The following EDRF1 variants were observed in gnomAD, a reference collection of about 807,000 sequenced individuals.
The protein encoded by EDRF1 is erythroid differentiation regulatory factor 1, also known as erythroid differentiation-related factor 1.
Under a neutral mutation model 148.7 loss-of-function variants are expected in EDRF1, and 69 were observed. The observed-to-expected ratio is 0.46, with a 90% CI of 0.38 to 0.57. The LOEUF (loss-of-function observed/expected upper bound fraction) is 0.57. EDRF1 is among the 20% of genes least tolerant of loss of function. The pLI, the probability that EDRF1 is intolerant of heterozygous loss-of-function variation, is 0.00. For missense variants in EDRF1, 1,118 were observed against 1,478.7 expected, an observed-to-expected ratio of 0.76 and a Z score of 4.00; for synonymous variants, 515 against 532.8, an observed-to-expected ratio of 0.97 and a Z score of 0.46.
chr10:125,738,983 A>T (rs899614472), intron 15 of EDRF1, among the ~76,000 whole-genome samples: 3 of 152,228 alleles, frequency 2.0e-5, no homozygotes, highest in African/African-American at 4.8e-5. Context: ...CTTTTAAATT[A>T]TCTAGTTCTT....
intron 16 of EDRF1, 37 bp downstream of exon 16, chr10:125,740,688 G>A (rs1332042040): frequency 1.3e-6 from 2 of 1,594,190 alleles, no homozygotes; most frequent in Non-Finnish European, 1.7e-6. Flanking sequence ...AATAGGCACT[G>A]GGAAGAGAGA....
chr10:125,753,363 C>T (rs1204387498), intron 23 of EDRF1, among the ~76,000 whole-genome samples: 1 of 152,172 alleles, frequency 6.6e-6, no homozygotes, highest in East Asian at 1.9e-4. Context: ...TCTGCTGTTG[C>T]TAAAAGCTTC....
rs1848207997 is a variant in EDRF1 at position 125,725,372 on chromosome 10, TGG to T, written c.566_567del (p.Trp189SerfsTer27). On this transcript the variant is annotated frameshift_variant, in exon 5 of 25. Transcript: ENST00000356792. LOFTEE classifies it high-confidence loss of function. ...EFYQRLIDQK[W>X]QRKKKSKEHW... ...TTATCAAAGACTCATTGATCAGAAG[TGG>T]CAGAGGAAGAAAAAGAGCAAAGAGC... 6.2e-7 allele frequency: 1 copy of T among 1,613,888 alleles called. No individual in the cohort carries two copies. The highest frequency in any genetic ancestry group is 1.3e-5 in the African/African-American group (1 of 74,910).
chr10:125,747,454 T>C, intron 19 of EDRF1, 82 bp from the exon 20 acceptor site: 2 of 1,422,684 alleles, frequency 1.4e-6, no homozygotes, highest in Non-Finnish European at 2.0e-6. Context: ...ATCTGGGTAG[T>C]TGTGAAGTGT....
At chr10:125,731,442 G>T (rs1237562581) in intron 9 of EDRF1, among the ~76,000 whole-genome samples, 2 of 152,152 alleles carry the variant, frequency 1.3e-5, no homozygotes, top group African/African-American at 4.8e-5. Context: ...TAAAAGTCTA[G>T]TGTAAATACA....
Position 125,739,269 on chromosome 10 carries a change from C to G in EDRF1, c.1981+824C>G, listed in dbSNP as rs144507475. On this transcript the variant is annotated intron_variant, in intron 15 of 24. Transcript: ENST00000356792. ...TTATTTCCCCAGCATTTATATAGTG[C>G]TGCTGGTATGCCAGGCTTCGGCCTA... Among the ~76,000 whole-genome samples, 1,063 of 152,308 alleles carry G rather than the reference C, an allele frequency of 7.0e-3. 3 individuals are homozygous for G. Among genetic ancestry groups the G allele is most frequent in the Admixed American group, 0.012 (179 of 15,298 alleles).
At chr10:125,733,777 G>A in intron 11 of EDRF1, 34 bp downstream of exon 11, 2 of 1,557,112 alleles carry the variant, frequency 1.3e-6, no homozygotes, top group Non-Finnish European at 1.8e-6. Flanking sequence ...TGAAGAAGTA[G>A]CCTATTATAT....
intron 9 of EDRF1, among the ~76,000 whole-genome samples, chr10:125,732,199 A>G (rs746558689): frequency 6.6e-6 from 1 of 152,112 alleles, no homozygotes; most frequent in South Asian, 2.1e-4. Flanking sequence ...CCATCTCCCT[A>G]AATGGCAACA....
In EDRF1 at chr10:125,734,128, T is replaced by G; in HGVS notation, c.1442T>G (p.Ile481Ser). Reference protein sequence around the residue: ...KNQNKKHYGTIRTLLLNCLKL... With the variant: ...KNQNKKHYGTSRTLLLNCLKL... The stretch of plus-strand genomic sequence containing the variant: ...CAAAATAAGAAACACTATGGAACTA[T>G]TAGAACATTGCTTCTTAATTGTCTG... Residue 481 changes from isoleucine (I) to serine (S), a missense_variant, in exon 12 of 25, where the codon ATT becomes AGT. Coordinates refer to ENST00000356792, the MANE Select transcript of EDRF1 (RefSeq NM_001202438.2). 9 of 1,613,326 alleles carry G rather than the reference T, an allele frequency of 5.6e-6. No homozygotes were observed. Among genetic ancestry groups the G allele is most frequent in the Non-Finnish European group, 7.6e-6 (9 of 1,179,368 alleles).
At chr10:125,733,005 A>G (rs1016902413) in intron 9 of EDRF1, among the ~76,000 whole-genome samples, 1 of 152,134 alleles carries the variant, frequency 6.6e-6, no homozygotes, top group African/African-American at 2.4e-5. Flanking sequence ...AGCAAAAAAA[A>G]AGGCCAGAAA....
intron 1 of EDRF1, among the ~76,000 whole-genome samples, chr10:125,720,810 CAAAAAA>C (rs34319808): frequency 1.5e-5 from 2 of 131,816 alleles, no homozygotes; most frequent in East Asian, 2.2e-4. Flanking sequence ...GACTGCGTCT[CAAAAAA>C]AAAAAAAAAA....
At chr10:125,736,913 C>T (rs1848765694) in intron 13 of EDRF1, among the ~76,000 whole-genome samples, 1 of 152,082 alleles carries the variant, frequency 6.6e-6, no homozygotes. Flanking sequence ...AGGAGCCTAT[C>T]TGTTCCTGAA....
intron 2 of EDRF1, among the ~76,000 whole-genome samples, chr10:125,721,859 A>C (rs959235477): frequency 6.6e-6 from 1 of 152,230 alleles, no homozygotes; most frequent in African/African-American, 2.4e-5. Flanking sequence ...GGTGACCTAC[A>C]CCTTGACTTT....
intron 6 of EDRF1, 119 bp downstream of exon 6, chr10:125,725,957 T>TG (rs1192116067): frequency 8.6e-7 from 1 of 1,161,540 alleles, no homozygotes; most frequent in Non-Finnish European, 1.2e-6. Context: ...GCTTATGGAA[T>TG]GGGGGAAAAA....
chr10:125,727,016 C>T (rs1251057941), intron 6 of EDRF1, among the ~76,000 whole-genome samples: 1 of 141,118 alleles, frequency 7.1e-6, no homozygotes, highest in Non-Finnish European at 1.5e-5. Flanking sequence ...GCTCTTATGC[C>T]ATGTGTATGT....
intron 24 of EDRF1, among the ~76,000 whole-genome samples, chr10:125,762,533 A>T (rs972234759): frequency 6.6e-6 from 1 of 152,106 alleles, no homozygotes; most frequent in African/African-American, 2.4e-5. Flanking sequence ...CCACGTAATT[A>T]CTAGTCTTTT....
chr10:125,740,659 A>ACT lies in EDRF1; in HGVS notation c.2170+9_2170+10dup, dbSNP rs754337559. 10 of 1,612,068 alleles carry ACT rather than the reference A, an allele frequency of 6.2e-6. No individual in the cohort carries two copies. In the East Asian group the frequency reaches 2.2e-4, roughly 36 times the overall value. On this transcript the variant is annotated intron_variant, in intron 16 of 24. Coordinates refer to ENST00000356792, the MANE Select transcript of EDRF1 (RefSeq NM_001202438.2). The stretch of plus-strand genomic sequence containing the variant: ...TAGCTTTGCAAAGCCATGGTAAGCC[A>ACT]CTATAAATGAATATGTTTAATAGGC...
At chr10:125,747,450 G>A in intron 19 of EDRF1, 86 bp from the exon 20 acceptor site, 1 of 1,363,028 alleles carries the variant, frequency 7.3e-7, no homozygotes, top group South Asian at 1.2e-5. Context: ...TAACATCTGG[G>A]TAGTTGTGAA....
intron 22 of EDRF1, chr10:125,749,829 A>G: frequency 2.2e-6 from 1 of 455,432 alleles, no homozygotes; most frequent in Non-Finnish European, 4.0e-6. Flanking sequence ...AAAATTGACA[A>G]ATAAATTTAG....
Sources: allele counts gnomAD v4.1 joint callset (sites outside exome capture counted in the v4.1 genomes callset), GRCh38; gene constraint gnomAD v4.1.1; transcripts MANE v1.5; gene names NCBI Gene and HGNC (gene_info 2026-07-23, HGNC 2026-07-21).